Variants in RARB observed in about 807,000 individuals in gnomAD.
RARB encodes HBV-activated protein.
Under a neutral mutation model 51.9 loss-of-function variants are expected in RARB, and 17 were observed. The ratio of observed to expected loss-of-function variants is 0.33; its 90% CI spans 0.22 to 0.49. The LOEUF is 0.49. Ranked by LOEUF, RARB falls within the 20% of genes least tolerant of loss-of-function variation. RARB has a pLI of 0.99. For missense variants in RARB, 369 were observed against 550.8 expected (o/e 0.67, Z 3.30); for synonymous variants, 215 against 195.4 (o/e 1.10, Z -0.84).
At chr3:24,923,098 A>C (rs942838890) in intron 2 of RARB, among the ~76,000 whole-genome samples, 4 of 152,208 alleles carry the variant, frequency 2.6e-5, no homozygotes, top group African/African-American at 9.6e-5. Context: ...CAAGGGTAAA[A>C]GGTCAAGAGA....
rs370598264 is a variant in RARB at position 25,111,583 on chromosome 3, G to GTTTT, written c.-327-20562_-327-20559dup. ...TAAATGATCTCCGTTTCTAACAGTG[G>GTTTT]TTTTTTTTTTTTTTTTTTTGAGACG... is the stretch of plus-strand genomic sequence containing the variant. On this transcript the variant is annotated intron_variant, in intron 3 of 11. Transcript: ENST00000383772. Among the ~76,000 whole-genome samples the GTTTT allele has an allele frequency of 5.0e-4, 61 of 120,856 alleles. 2 individuals are homozygous for GTTTT. The highest frequency in any genetic ancestry group is 1.7e-3 in the Admixed American group (18 of 10,772). The allele number at this position is 120,856 out of a possible 152,430, so 79.3% of individuals were successfully genotyped here. A position where few individuals can be genotyped will look rare whatever the true frequency, so the allele number is the denominator to read the frequency against.
At chr3:25,571,531 G>C (rs1474829505) in intron 4 of RARB, among the ~76,000 whole-genome samples, 2 of 152,224 alleles carry the variant, frequency 1.3e-5, no homozygotes, top group African/African-American at 2.4e-5. Context: ...TCTTCACTGA[G>C]TTTGGGGAAC....
At chr3:25,525,494 A>C (rs954739637) in intron 3 of RARB, among the ~76,000 whole-genome samples, 1 of 152,188 alleles carries the variant, frequency 6.6e-6, no homozygotes, top group African/African-American at 2.4e-5. Flanking sequence ...CTTCGGGCTC[A>C]TGCCTTCATG....
chr3:25,278,307 T>G (rs993624532), intron 5 of RARB, among the ~76,000 whole-genome samples: 1 of 152,220 alleles, frequency 6.6e-6, no homozygotes, highest in Admixed American at 6.5e-5. Flanking sequence ...GTGAAACTTT[T>G]GTGAGCTTTA....
At chr3:25,514,932 A>T (rs914161000) in intron 3 of RARB, among the ~76,000 whole-genome samples, 1 of 152,214 alleles carries the variant, frequency 6.6e-6, no homozygotes, top group African/African-American at 2.4e-5. Context: ...AAACTTGGAT[A>T]TTGTGTCCTT....
At chr3:24,995,330 A>C (rs950122277) in intron 2 of RARB, among the ~76,000 whole-genome samples, 1 of 151,474 alleles carries the variant, frequency 6.6e-6, no homozygotes, top group Non-Finnish European at 1.5e-5. Context: ...TTGTGTGTTC[A>C]TTTTGCATTC....
intron 2 of RARB, among the ~76,000 whole-genome samples, chr3:24,968,023 T>C (rs995044655): frequency 6.6e-6 from 1 of 152,192 alleles, no homozygotes; most frequent in Non-Finnish European, 1.5e-5. Flanking sequence ...ATAATAGCTC[T>C]TTGGAGCTTT....
chr3:25,363,594 T>A (rs941283003), intron 5 of RARB, among the ~76,000 whole-genome samples: 1 of 152,202 alleles, frequency 6.6e-6, no homozygotes, highest in Admixed American at 6.5e-5. Context: ...GTCTACAATC[T>A]AATGACTTCT....
In RARB at chr3:25,596,528, C is replaced by T; in HGVS notation, c.1259C>T (p.Ser420Leu). Residue 420 changes from serine to leucine, a missense_variant, in exon 8 of 8, where the codon TCA (serine) becomes TTA (leucine). Ser to Leu is a moderately radical substitution (Grantham distance 145, BLOSUM62 -2). Coordinates refer to ENST00000330688, the MANE Select transcript of RARB (RefSeq NM_000965.5). Reference protein sequence around the residue: ...SEGHEPLTPSSSGNTAEHSPS... With the variant: ...SEGHEPLTPSLSGNTAEHSPS... ...GGACATGAACCCTTGACCCCAAGTT[C>T]AAGTGGGAACACAGCAGAGCACAGT... 6.2e-7 allele frequency: 1 copy of T among 1,613,738 alleles called. No individual in the cohort carries two copies. The highest frequency in any genetic ancestry group is 2.2e-5 in the East Asian group (1 of 44,866).
intron 2 of RARB, among the ~76,000 whole-genome samples, chr3:24,904,910 G>A (rs910888567): frequency 5.9e-5 from 9 of 152,116 alleles, no homozygotes; most frequent in African/African-American, 2.2e-4. Flanking sequence ...ACTAACACAG[G>A]AACAAAAAAC....
intron 5 of RARB, among the ~76,000 whole-genome samples, chr3:25,199,503 G>A (rs953018138): frequency 6.6e-6 from 1 of 152,044 alleles, no homozygotes; most frequent in Non-Finnish European, 1.5e-5. Flanking sequence ...TGCACAATGT[G>A]CAGGTTTGTT....
chr3:25,397,126 T>G (rs2363599), intron 5 of RARB, among the ~76,000 whole-genome samples: 130,244 of 152,116 alleles, frequency 0.86, 56,006 homozygotes, highest in East Asian at 1. Flanking sequence ...TCTCCATGTG[T>G]TCCTTCCCCA....
chr3:24,959,068 C>T (rs957496515), intron 2 of RARB, among the ~76,000 whole-genome samples: 18 of 152,302 alleles, frequency 1.2e-4, no homozygotes, highest in African/African-American at 3.6e-4. Flanking sequence ...ATCCCTGAAG[C>T]CCCAGAGGGC....
At chr3:25,102,980 G>A (rs1198057356) in intron 3 of RARB, among the ~76,000 whole-genome samples, 4 of 152,128 alleles carry the variant, frequency 2.6e-5, no homozygotes, top group Non-Finnish European at 5.9e-5. Flanking sequence ...AACCCAGGAG[G>A]CAGAGGTTGC....
chr3:24,829,865 G>C (rs918980090), intron 1 of RARB, among the ~76,000 whole-genome samples: 15 of 152,220 alleles, frequency 9.9e-5, no homozygotes, highest in Non-Finnish European at 2.2e-4. Context: ...GGCTGGGCAC[G>C]GCGAAACCTG....
At chr3:25,174,534 G>A (rs1372754582) in exon 5 of RARB, 4 of 1,351,982 alleles carry the variant, frequency 3.0e-6, no homozygotes, top group Non-Finnish European at 3.9e-6. Context: ...GGCCTTCATG[G>A]ACATCCGCCT....
rs1312418000 is a variant in RARB, at chr3:25,186,997, A to T, written c.178+12422A>T. ...TCATATCAGTCACACGATGGAACAA[A>T]GGAAGTAGGATTTAATGGTAATACC... On this transcript the variant is annotated intron_variant, in intron 5 of 11. Coordinates refer to the RARB transcript ENST00000383772. Among the ~76,000 whole-genome samples the T allele has an allele frequency of 8.6e-5, 13 of 150,996 alleles. No homozygotes were observed. The Admixed American group carries it at 8.6e-4, about 10-fold the overall frequency.
intron 3 of RARB, among the ~76,000 whole-genome samples, chr3:25,071,549 C>G (rs983331638): frequency 6.6e-6 from 1 of 152,174 alleles, no homozygotes; most frequent in Non-Finnish European, 1.5e-5. Flanking sequence ...GAACAAGAAA[C>G]TACTGCTTTG....
intron 5 of RARB, among the ~76,000 whole-genome samples, chr3:25,205,732 C>G (rs1415614534): frequency 6.6e-6 from 1 of 151,434 alleles, no homozygotes; most frequent in Non-Finnish European, 1.5e-5. Context: ...AAAATAAAAA[C>G]AAATATTAAA....
Sources: gnomAD v4.1 joint callset for allele counts (sites outside exome capture counted in the v4.1 genomes callset) on GRCh38, gnomAD v4.1.1 for gene constraint, MANE v1.5 for transcripts, NCBI Gene and HGNC (gene_info 2026-07-23, HGNC 2026-07-21) for gene names.